Variants in PRKN observed in about 807,000 individuals in gnomAD.
The protein encoded by PRKN is E3 ubiquitin-protein ligase parkin.
PRKN carries 56 observed loss-of-function variants against 59.5 expected under a neutral mutation model. The observed-to-expected ratio is 0.94, with a 90% CI of 0.76 to 1.18. PRKN has a LOEUF of 1.18. Among genes scored for constraint, PRKN ranks in the 50% most tolerant of loss-of-function variants. The pLI is 0.00. For synonymous variants in PRKN, 250 were observed against 222.1 expected (o/e 1.13, Z -1.12); for missense variants, 657 against 596.4 (o/e 1.10, Z -1.06).
At chr6:162,613,429 G>C (rs1337468216) in intron 1 of PRKN, among the ~76,000 whole-genome samples, 2 of 152,164 alleles carry the variant, frequency 1.3e-5, no homozygotes, top group African/African-American at 4.8e-5. Context: ...ACAAACCATA[G>C]ATTTGTAATA....
In PRKN at chr6:162,312,610, A is replaced by G. The variant is rs1481063082; in HGVS notation, c.172-49845T>C. Among the ~76,000 whole-genome samples the G allele has an allele frequency of 2.0e-5, 3 of 152,232 alleles. No individual in the cohort carries two copies. In the East Asian group the frequency reaches 5.8e-4, roughly 29 times the overall value. On this transcript the variant is annotated intron_variant, in intron 2 of 11. Coordinates refer to ENST00000366898, the MANE Select transcript of PRKN (RefSeq NM_004562.3). The stretch of plus-strand genomic sequence containing the variant: ...TGTGTGGGATGACAGGGGATAACAC[A>G]CACCTCTAACATTCCCAGACATCGA...
At chr6:162,614,851 AT>A (rs1378110982) in intron 1 of PRKN, among the ~76,000 whole-genome samples, 1 of 152,220 alleles carries the variant, frequency 6.6e-6, no homozygotes, top group Non-Finnish European at 1.5e-5. Context: ...TACTGTTTAT[AT>A]TTTGAAAAGC....
At chr6:162,131,610 A>G (rs760043962) in intron 4 of PRKN, among the ~76,000 whole-genome samples, 17 of 152,330 alleles carry the variant, frequency 1.1e-4, no homozygotes, top group East Asian at 3.9e-4. Context: ...AGATTCTGCA[A>G]TCCCTTGAGC....
At chr6:161,866,829 G>A (rs1324286919) in intron 6 of PRKN, among the ~76,000 whole-genome samples, 1 of 152,196 alleles carries the variant, frequency 6.6e-6, no homozygotes, top group Non-Finnish European at 1.5e-5. Flanking sequence ...GGAGGAGCTG[G>A]TGGAAACAAA....
intron 2 of PRKN, among the ~76,000 whole-genome samples, chr6:162,318,333 G>C (rs1272276738): frequency 6.6e-6 from 1 of 152,000 alleles, no homozygotes; most frequent in Non-Finnish European, 1.5e-5. Context: ...AGCCAACAAA[G>C]GGCCTCCATG....
intron 2 of PRKN, among the ~76,000 whole-genome samples, chr6:162,287,722 G>T (rs564988909): frequency 3.3e-5 from 5 of 152,224 alleles, no homozygotes; most frequent in African/African-American, 1.2e-4. Flanking sequence ...AGGATTAACT[G>T]GGAGGGTTAC....
At chr6:162,514,136 T>C (rs907141810) in intron 1 of PRKN, among the ~76,000 whole-genome samples, 2 of 152,120 alleles carry the variant, frequency 1.3e-5, no homozygotes, top group Admixed American at 6.6e-5. Flanking sequence ...AAACTAATTA[T>C]AAATTTTGCA....
At chr6:162,589,703 A>G (rs1192057333) in intron 1 of PRKN, among the ~76,000 whole-genome samples, 1 of 152,328 alleles carries the variant, frequency 6.6e-6, no homozygotes, top group African/African-American at 2.4e-5. Flanking sequence ...GTAGAGATAC[A>G]CTTAGGCTTA....
chr6:161,596,690 G>T (rs1178619320), intron 7 of PRKN, among the ~76,000 whole-genome samples: 1 of 152,094 alleles, frequency 6.6e-6, no homozygotes, highest in Non-Finnish European at 1.5e-5. Flanking sequence ...GTGCATTTCT[G>T]TCTGGAAGGA....
intron 1 of PRKN, among the ~76,000 whole-genome samples, chr6:162,462,178 C>T (rs1183362792): frequency 6.6e-6 from 1 of 152,150 alleles, no homozygotes; most frequent in Non-Finnish European, 1.5e-5. Context: ...GTAAATAATT[C>T]ATCTTTCAAT....
chr6:162,433,247 T>C (rs979027821), intron 2 of PRKN, among the ~76,000 whole-genome samples: 4 of 152,152 alleles, frequency 2.6e-5, no homozygotes, highest in Non-Finnish European at 5.9e-5. Flanking sequence ...ATATAAAATA[T>C]AGGCATTATT....
chr6:162,508,850 T>TCAAAAAA (rs953899219), intron 1 of PRKN, among the ~76,000 whole-genome samples: 3 of 150,020 alleles, frequency 2.0e-5, no homozygotes, highest in African/African-American at 7.6e-5. Flanking sequence ...AGACCCTGTC[T>TCAAAAAA]CAAAAAACAA....
chr6:162,044,281 C>T (rs67526650), intron 5 of PRKN, among the ~76,000 whole-genome samples: 24,817 of 151,742 alleles, frequency 0.16, 2,669 homozygotes, highest in African/African-American at 0.3. Flanking sequence ...CGCTAATGAA[C>T]TTCTACAGGA....
intron 5 of PRKN, among the ~76,000 whole-genome samples, chr6:161,983,992 T>C (rs1450217146): frequency 6.6e-6 from 1 of 152,150 alleles, no homozygotes; most frequent in African/African-American, 2.4e-5. Context: ...AATATTCTCT[T>C]TCCCAGCTCA....
At chr6:161,793,741 C>A (rs1253531970) in intron 6 of PRKN, among the ~76,000 whole-genome samples, 3 of 152,048 alleles carry the variant, frequency 2.0e-5, no homozygotes, top group Non-Finnish European at 4.4e-5. Context: ...TGCATCCAGT[C>A]TATATAGTGA....
rs554475055 is a variant in PRKN at position 162,644,169 on chromosome 6, CCTAT to C, written c.7+83489_7+83492del. On this transcript the variant is annotated intron_variant, in intron 1 of 11. Coordinates refer to ENST00000366898, the MANE Select transcript of PRKN (RefSeq NM_004562.3). ...GAATCATAAAAGGCTCCTCGGCTTGCCTATCTTTCTAGTTCCCAGGACCCTGCCT... is the reference window on the plus strand; with the variant it reads ...GAATCATAAAAGGCTCCTCGGCTTGCCTTTCTAGTTCCCAGGACCCTGCCT... Among the ~76,000 whole-genome samples the C allele has an allele frequency of 1.9e-3, 288 of 152,166 alleles. 2 individuals carry two copies. The highest frequency in any genetic ancestry group is 4.6e-3 in the South Asian group (22 of 4,812).
At chr6:162,356,951 T>G (rs1468864721) in intron 2 of PRKN, among the ~76,000 whole-genome samples, 1 of 152,052 alleles carries the variant, frequency 6.6e-6, no homozygotes, top group East Asian at 1.9e-4. Context: ...CATTACAGTT[T>G]ACATCCTTAA....
intron 4 of PRKN, among the ~76,000 whole-genome samples, chr6:162,080,195 G>A (rs1779000191): frequency 1.3e-5 from 2 of 152,048 alleles, no homozygotes; most frequent in Admixed American, 1.3e-4. Context: ...GAATTTAGAA[G>A]AAAAGTACCT....
intron 4 of PRKN, among the ~76,000 whole-genome samples, chr6:162,154,160 AC>A (rs1248465820): frequency 6.6e-6 from 1 of 151,842 alleles, no homozygotes; most frequent in African/African-American, 2.4e-5. Flanking sequence ...CTCCCACCAC[AC>A]TCTGAAAAAC....
Sources: gnomAD v4.1 joint callset for allele counts (sites outside exome capture counted in the v4.1 genomes callset) on GRCh38, gnomAD v4.1.1 for gene constraint, MANE v1.5 for transcripts, NCBI Gene and HGNC (gene_info 2026-07-23, HGNC 2026-07-21) for gene names.